STRN3: variants seen among roughly 807,000 people sequenced by gnomAD.
STRN3 encodes the protein striatin 3, also known as striatin-3.
Under a neutral mutation model 95.6 loss-of-function variants are expected in STRN3, and 29 were observed. The ratio of observed to expected loss-of-function variants is 0.30; its 90% CI spans 0.23 to 0.41. The LOEUF is 0.41. Ranked by LOEUF, STRN3 falls within the 10% of genes least tolerant of loss-of-function variation. STRN3 has a pLI of 1.00. For missense variants in STRN3, 890 were observed against 972.1 expected, an observed-to-expected ratio of 0.92 and a Z score of 1.12; for synonymous variants, 331 against 357.6, an observed-to-expected ratio of 0.93 and a Z score of 0.84.
At position 30,943,391 on chromosome 14, in the gene STRN3, G is replaced by C. The variant is rs367965618; in HGVS notation, c.716+3699C>G. Among the ~76,000 whole-genome samples the C allele has an allele frequency of 3.3e-4, 50 of 152,270 alleles. 1 individual carries two copies. The South Asian group carries it at 0.01, about 31-fold the overall frequency. ...GGGGCAGGAGGGTTACTTGAGTCCA[G>C]GAGTTCAAGATCAGCCTGGGGAACA... On this transcript the variant is annotated intron_variant, in intron 5 of 17. Transcript: ENST00000357479.
At chr14:30,957,883 A>C (rs545907192) in intron 1 of STRN3, among the ~76,000 whole-genome samples, 3 of 152,350 alleles carry the variant, frequency 2.0e-5, no homozygotes, top group East Asian at 1.9e-4. Context: ...TATGAGAAAG[A>C]AAGCTATTCA....
Position 30,921,371 on chromosome 14 carries a change from G to T in STRN3, c.1100-2265C>A, listed in dbSNP as rs147652298. Among the ~76,000 whole-genome samples the T allele has an allele frequency of 7.2e-5, 11 of 152,220 alleles. No individual in the cohort carries two copies. In the South Asian group the frequency reaches 2.3e-3, roughly 32 times the overall value. On this transcript the variant is annotated intron_variant, in intron 8 of 17. Transcript: ENST00000357479. ...TACACATGAACTGGGAGATATAGAA[G>T]GGAAAGAAATTAGGAGATATTATGG...
intron 8 of STRN3, among the ~76,000 whole-genome samples, chr14:30,921,661 G>A (rs1247660155): frequency 1.3e-5 from 2 of 151,984 alleles, no homozygotes; most frequent in African/African-American, 4.8e-5. Flanking sequence ...TATAATAAAT[G>A]CAATGAAACA....
chr14:31,010,029 G>C (rs1423141912), intron 1 of STRN3, among the ~76,000 whole-genome samples: 2 of 152,126 alleles, frequency 1.3e-5, no homozygotes, highest in African/African-American at 4.8e-5. Flanking sequence ...CTTGAGCCCA[G>C]AAGGACAAAG....
chr14:30,965,763 C>T (rs1880460145), intron 1 of STRN3, among the ~76,000 whole-genome samples: 1 of 91,424 alleles, frequency 1.1e-5, no homozygotes, highest in South Asian at 5.2e-4. Flanking sequence ...AGTGAAACTC[C>T]ATCTCAAAAA....
intron 1 of STRN3, among the ~76,000 whole-genome samples, chr14:31,007,961 G>GCA (rs1335481139): frequency 1.3e-5 from 2 of 152,186 alleles, no homozygotes; most frequent in Non-Finnish European, 2.9e-5. Flanking sequence ...GGGAGGCTGA[G>GCA]GCAGGCGGAT....
intron 16 of STRN3, among the ~76,000 whole-genome samples, chr14:30,899,182 T>A (rs1485142574): frequency 6.6e-6 from 1 of 152,216 alleles, no homozygotes; most frequent in East Asian, 1.9e-4. Context: ...AATGAATGAG[T>A]CCACAGCTGA....
At chr14:30,948,268 T>A (rs1419809796) in intron 4 of STRN3, among the ~76,000 whole-genome samples, 1 of 152,096 alleles carries the variant, frequency 6.6e-6, no homozygotes, top group Non-Finnish European at 1.5e-5. Context: ...TATAAAAAAA[T>A]ACAAGTGACA....
chr14:30,999,134 C>T (rs940236734), intron 1 of STRN3, among the ~76,000 whole-genome samples: 1 of 152,296 alleles, frequency 6.6e-6, no homozygotes, highest in Middle Eastern at 3.4e-3. Flanking sequence ...GCCTCGCCCT[C>T]CTAGGCTCAA....
rs775013513 is a variant in STRN3 at position 30,905,548 on chromosome 14, T to C, written c.1899A>G (p.Ile633Met). Residue 633 changes from isoleucine (I) to methionine (M), a missense_variant, in exon 15 of 18, where the codon ATA becomes ATG. By Grantham distance (10) the Ile-to-Met change is conservative (BLOSUM62 1). Coordinates refer to ENST00000357479, the MANE Select transcript of STRN3 (RefSeq NM_001083893.2). ...AGCCTATAAAGTCAACTGATGTAGG[T>C]ATTCCATGCTCTGAAATGAGCCCAA... ...CTYNGDKKHG[I>M]PTSVDFIGCD... is the part of the protein sequence containing the mutation. 8 of 1,600,770 alleles carry C rather than the reference T, an allele frequency of 5.0e-6. No homozygotes were observed. The highest frequency in any genetic ancestry group is 6.0e-6 in the Non-Finnish European group (7 of 1,175,498).
chr14:30,925,763 T>G (rs1001673602), intron 8 of STRN3, among the ~76,000 whole-genome samples: 1 of 152,280 alleles, frequency 6.6e-6, no homozygotes, highest in East Asian at 1.9e-4. Flanking sequence ...TTAAATGTAT[T>G]AAAATGTCAC....
Position 31,026,188 on chromosome 14 carries a change from T to C in STRN3, c.-3A>G. The stretch of plus-strand genomic sequence containing the variant: ...CCGCCTCCGGCAAGCTCGTCCATTG[T>C]GTGTGGGGCCCCGGCCGGGGCGCAG... On this transcript the variant is annotated 5_prime_UTR_variant, in exon 1 of 18. Transcript: ENST00000357479. The C allele has an allele frequency of 6.9e-6, 10 of 1,439,420 alleles. No individual in the cohort carries two copies. The highest frequency in any genetic ancestry group is 9.0e-6 in the Non-Finnish European group (10 of 1,106,204). The allele number at this position is 1,439,420 out of a possible 1,614,324, so 89.2% of individuals were successfully genotyped here.
At chr14:30,972,161 A>G (rs1438659031) in intron 1 of STRN3, among the ~76,000 whole-genome samples, 1 of 151,814 alleles carries the variant, frequency 6.6e-6, no homozygotes, top group Non-Finnish European at 1.5e-5. Flanking sequence ...TCGATTATCT[A>G]CTCCACCCTG....
intron 13 of STRN3, among the ~76,000 whole-genome samples, chr14:30,910,301 T>C (rs540028980): frequency 4.6e-5 from 7 of 152,352 alleles, no homozygotes; most frequent in East Asian, 1.9e-4. Flanking sequence ...TTTGTAACCA[T>C]AGATCCCATC....
intron 1 of STRN3, among the ~76,000 whole-genome samples, chr14:30,959,530 T>C (rs997312851): frequency 2.0e-5 from 3 of 152,140 alleles, no homozygotes; most frequent in African/African-American, 7.2e-5. Flanking sequence ...TAATGACCAA[T>C]TAAATAATAA....
At chr14:30,898,751 C>T (rs549144510) in intron 16 of STRN3, among the ~76,000 whole-genome samples, 2 of 152,280 alleles carry the variant, frequency 1.3e-5, no homozygotes, top group South Asian at 4.2e-4. Flanking sequence ...AAAACTAATC[C>T]TAATTTTTTC....
At chr14:30,981,076 G>C (rs905633446) in intron 1 of STRN3, among the ~76,000 whole-genome samples, 6 of 152,134 alleles carry the variant, frequency 3.9e-5, no homozygotes, top group African/African-American at 1.4e-4. Context: ...GAGAGGCCCA[G>C]GCAGGAGGAT....
chr14:30,996,071 C>T (rs1882185013), intron 1 of STRN3, among the ~76,000 whole-genome samples: 1 of 152,182 alleles, frequency 6.6e-6, no homozygotes, highest in Non-Finnish European at 1.5e-5. Context: ...GCCTGTTTAT[C>T]CCTCAGTTTA....
At position 30,895,387 on chromosome 14, in the gene STRN3, G is replaced by A; in HGVS notation, c.*24C>T. On this transcript the variant is annotated 3_prime_UTR_variant, in exon 18 of 18. Coordinates refer to ENST00000357479, the MANE Select transcript of STRN3 (RefSeq NM_001083893.2). ...CCCTCTTTCTGTCCAAGCAAATCTT[G>A]TTACGATGCAAGTTTTTGTTGATTC... 11 of 1,579,544 alleles carry A rather than the reference G, an allele frequency of 7.0e-6. No individual in the cohort carries two copies. Among genetic ancestry groups the A allele is most frequent in the Non-Finnish European group, 9.5e-6 (11 of 1,161,852 alleles).
Sources: allele counts gnomAD v4.1 joint callset (sites outside exome capture counted in the v4.1 genomes callset), GRCh38; gene constraint gnomAD v4.1.1; transcripts MANE v1.5; gene names NCBI Gene and HGNC (gene_info 2026-07-23, HGNC 2026-07-21).